Variants in PDE1A observed in about 807,000 individuals in gnomAD.
PDE1A encodes phosphodiesterase 1A, also known as dual specificity calcium/calmodulin-dependent 3',5'-cyclic nucleotide phosphodiesterase 1A.
PDE1A carries 35 observed loss-of-function variants against 61.7 expected under a neutral mutation model. The ratio of observed to expected loss-of-function variants is 0.57; its 90% confidence interval spans 0.43 to 0.75. The LOEUF (loss-of-function observed/expected upper bound fraction) is 0.75, where lower values mean the gene tolerates loss of function less well. Among genes scored for constraint, PDE1A ranks in the 30% least tolerant of loss-of-function variants. PDE1A has a pLI of 0.00. For synonymous variants in PDE1A, 232 were observed against 213.2 expected (o/e 1.09, Z -0.77); for missense variants, 597 against 630.6 (o/e 0.95, Z 0.57).
chr2:182,488,888 T>G (rs7589555), intron 2 of PDE1A, among the ~76,000 whole-genome samples: 64,030 of 152,052 alleles, frequency 0.42, 13,949 homozygotes, highest in African/African-American at 0.51. Context: ...GTTGCAGGAA[T>G]GATTCAGGCC....
At chr2:182,396,109 C>T (rs1416026691) in intron 1 of PDE1A, among the ~76,000 whole-genome samples, 1 of 152,222 alleles carries the variant, frequency 6.6e-6, no homozygotes, top group Non-Finnish European at 1.5e-5. Context: ...CTCTTGCCAC[C>T]CTGCCTTCTC....
At chr2:182,313,638 A>G (rs1696138887) in intron 1 of PDE1A, among the ~76,000 whole-genome samples, 1 of 152,112 alleles carries the variant, frequency 6.6e-6, no homozygotes, top group East Asian at 1.9e-4. Flanking sequence ...ACACTTTGGT[A>G]TTTCACCTGT....
intron 1 of PDE1A, among the ~76,000 whole-genome samples, chr2:182,299,184 G>T (rs2125912286): frequency 6.6e-6 from 1 of 151,924 alleles, no homozygotes; most frequent in East Asian, 1.9e-4. Flanking sequence ...ATACCATCAA[G>T]GCCTGACTGT....
intron 2 of PDE1A, among the ~76,000 whole-genome samples, chr2:182,452,749 G>A (rs535269449): frequency 9.2e-5 from 14 of 152,210 alleles, no homozygotes; most frequent in African/African-American, 1.9e-4. Context: ...AGAAGAGTTC[G>A]AGAGCCAGTA....
At chr2:182,375,822 C>A (rs1453473395) in intron 1 of PDE1A, among the ~76,000 whole-genome samples, 1 of 152,250 alleles carries the variant, frequency 6.6e-6, no homozygotes, top group Non-Finnish European at 1.5e-5. Context: ...CTTCTGAAAT[C>A]TAGGTGGAGG....
chr2:182,146,695 G>A (rs184987623), downstream of PDE1A, among the ~76,000 whole-genome samples: 9 of 151,884 alleles, frequency 5.9e-5, no homozygotes, highest in African/African-American at 1.2e-4. Flanking sequence ...TATGTTGGCC[G>A]GGCTGGTCTC....
chr2:182,586,528 A>G, the PDE1A span, among the ~76,000 whole-genome samples: 1 of 152,186 alleles, frequency 6.6e-6, no homozygotes, highest in African/African-American at 2.4e-5. Context: ...TGCCTGTTAC[A>G]TGTTACACTG....
the PDE1A span, among the ~76,000 whole-genome samples, chr2:182,647,957 C>T: frequency 1.4e-4 from 21 of 152,206 alleles, no homozygotes; most frequent in African/African-American, 4.6e-4. Context: ...AGGTGAGTAT[C>T]GGCAGGTTAA....
At chr2:182,547,443 T>C in the PDE1A span, among the ~76,000 whole-genome samples, 1 of 152,246 alleles carries the variant, frequency 6.6e-6, no homozygotes, top group Admixed American at 6.5e-5. Flanking sequence ...GAGCATAAGA[T>C]ATTTTCTTGA....
upstream of PDE1A, chr2:182,523,128 G>T (rs1574854837): frequency 1.3e-5 from 2 of 152,126 alleles, no homozygotes; most frequent in South Asian, 4.1e-4. Flanking sequence ...CCACACAGTA[G>T]GTAACTGCCA....
intron 2 of PDE1A, among the ~76,000 whole-genome samples, chr2:182,437,066 T>C (rs1271017198): frequency 6.6e-6 from 1 of 151,940 alleles, no homozygotes; most frequent in Non-Finnish European, 1.5e-5. Context: ...AAGCCTTACA[T>C]GTGGATGGAT....
the PDE1A span, among the ~76,000 whole-genome samples, chr2:182,678,443 G>A: frequency 6.6e-6 from 1 of 151,930 alleles, no homozygotes; most frequent in Non-Finnish European, 1.5e-5. Flanking sequence ...AGAAAAGAAA[G>A]AAAGAAAGAG....
chr2:182,218,647 A>C (rs1688449016), intron 7 of PDE1A, among the ~76,000 whole-genome samples: 1 of 151,992 alleles, frequency 6.6e-6, no homozygotes, highest in South Asian at 2.1e-4. Flanking sequence ...CTCTATTCCT[A>C]GTTGGAGTTT....
intron 2 of PDE1A, among the ~76,000 whole-genome samples, chr2:182,483,368 C>T (rs1409990972): frequency 6.6e-6 from 1 of 151,894 alleles, no homozygotes; most frequent in African/African-American, 2.4e-5. Flanking sequence ...AAGCGAAATA[C>T]ACATTATTTT....
intron 13 of PDE1A, among the ~76,000 whole-genome samples, chr2:182,157,133 G>C (rs1691135206): frequency 6.6e-6 from 1 of 151,528 alleles, no homozygotes; most frequent in Non-Finnish European, 1.5e-5. Flanking sequence ...TCCTGGCTCA[G>C]CCTTCCCAGT....
At chr2:182,191,856 T>TA (rs1406209788) in intron 10 of PDE1A, among the ~76,000 whole-genome samples, 1 of 151,106 alleles carries the variant, frequency 6.6e-6, no homozygotes, top group Non-Finnish European at 1.5e-5. Flanking sequence ...CTTTTTTTTT[T>TA]TATTTTTTTA....
chr2:182,696,545 G>A, the PDE1A span, among the ~76,000 whole-genome samples: 1 of 152,128 alleles, frequency 6.6e-6, no homozygotes, highest in African/African-American at 2.4e-5. Flanking sequence ...ACACTATAAT[G>A]GTGGACATAT....
chr2:182,496,666 C>G (rs1196401821), intron 2 of PDE1A, among the ~76,000 whole-genome samples: 1 of 152,240 alleles, frequency 6.6e-6, no homozygotes, highest in Non-Finnish European at 1.5e-5. Context: ...TTTTGGCTGA[C>G]AAACAAGGTC....
Position 182,499,185 on chromosome 2 carries a change from T to TG in PDE1A, c.101+23090_101+23091insC, listed in dbSNP as rs1688934725. Among the ~76,000 whole-genome samples, 4 of 135,604 alleles carry TG rather than the reference T, an allele frequency of 2.9e-5. 1 individual carries two copies. The highest frequency in any genetic ancestry group is 4.8e-5 in the Non-Finnish European group (3 of 62,990). The allele number at this position is 135,604 out of a possible 152,430, so 89.0% of individuals were successfully genotyped here. A position where few individuals can be genotyped will look rare whatever the true frequency, so the allele number is the denominator to read the frequency against. ...TTCTCTTTTTCTTGTTTTTTTTTTTTTTTTTTTTTGAGACGGAGTCTTGCT... is the reference window on the plus strand; with the variant it reads ...TTCTCTTTTTCTTGTTTTTTTTTTTTGTTTTTTTTTGAGACGGAGTCTTGCT... On this transcript the variant is annotated intron_variant, in intron 2 of 14. Coordinates refer to the PDE1A transcript ENST00000410103.
Sources: allele counts gnomAD v4.1 joint callset (sites outside exome capture counted in the v4.1 genomes callset), GRCh38; gene constraint gnomAD v4.1.1; transcripts MANE v1.5; gene names NCBI Gene and HGNC (gene_info 2026-07-23, HGNC 2026-07-21).